OBI1: variants seen among roughly 807,000 people sequenced by gnomAD.
The protein encoded by OBI1 is ORC ubiquitin ligase 1, also known as ring finger protein 219.
In OBI1, 59 loss-of-function variants were observed where a neutral mutation model predicts 62.4. The observed-to-expected ratio is 0.95, with a 90% CI of 0.77 to 1.17. The LOEUF (loss-of-function observed/expected upper bound fraction) is 1.17. Among genes scored for constraint, OBI1 ranks in the 50% most tolerant of loss-of-function variants. The pLI, the probability that OBI1 is intolerant of heterozygous loss-of-function variation, is 0.00. For missense variants in OBI1, 875 were observed against 830.9 expected (o/e 1.05, Z -0.65); for synonymous variants, 302 against 292.8 (o/e 1.03, Z -0.32).
chr13:78,658,968 C>G (rs1876796511), intron 1 of OBI1, 81 bp downstream of exon 1: 3 of 1,310,560 alleles, frequency 2.3e-6, no homozygotes, highest in Non-Finnish European at 3.3e-6. Flanking sequence ...CCCTTCCCCG[C>G]CCCCGCACGA....
chr13:78,616,615 T>G lies in OBI1; in HGVS notation c.1146A>C (p.Glu382Asp), dbSNP rs1875300109. 1 of 1,614,004 alleles carries G rather than the reference T, an allele frequency of 6.2e-7. No individual in the cohort carries two copies. Among genetic ancestry groups the G allele is most frequent in the South Asian group, 1.1e-5 (1 of 91,074 alleles). Residue 382 changes from glutamate (E) to aspartate (D), a missense_variant, in exon 6 of 6, where the codon GAA (glutamate) becomes GAC (aspartate). Physicochemically the swap from Glu to Asp is conservative, Grantham distance 45. Coordinates refer to ENST00000282003, the MANE Select transcript of OBI1 (RefSeq NM_024546.4). ...TACAAGGAGCTGGAAGATCATAAAG[T>G]TCTTCATCTTTGTAGGGTACACAGT... is the stretch of plus-strand genomic sequence containing the variant. ...PSDCVPYKDE[E>D]LYDLPAPCTP...
intron 4 of OBI1, among the ~76,000 whole-genome samples, chr13:78,636,453 G>A (rs1018159638): frequency 6.6e-6 from 1 of 152,158 alleles, no homozygotes; most frequent in Non-Finnish European, 1.5e-5. Flanking sequence ...CCTTTAAAAC[G>A]TATTTCAAAA....
At chr13:78,648,844 C>T (rs749360595) in intron 1 of OBI1, among the ~76,000 whole-genome samples, 4 of 149,672 alleles carry the variant, frequency 2.7e-5, no homozygotes, top group Non-Finnish European at 4.4e-5. Context: ...ACCCGGGAGG[C>T]AGAGGTTGCG....
intron 1 of OBI1, among the ~76,000 whole-genome samples, chr13:78,647,429 A>G (rs1014598150): frequency 5.3e-5 from 8 of 152,234 alleles, no homozygotes; most frequent in East Asian, 1.9e-4. Flanking sequence ...CTTTACCCCA[A>G]TGAGATGTTT....
chr13:78,628,264 G>A (rs766593268), intron 5 of OBI1, among the ~76,000 whole-genome samples: 3 of 152,174 alleles, frequency 2.0e-5, no homozygotes, highest in Non-Finnish European at 2.9e-5. Flanking sequence ...CTAAATCACA[G>A]AGCTAGTAAG....
intron 1 of OBI1, among the ~76,000 whole-genome samples, chr13:78,653,683 G>A (rs918997059): frequency 3.9e-5 from 6 of 152,132 alleles, no homozygotes; most frequent in Non-Finnish European, 2.9e-5. Context: ...GAGTGAAGAC[G>A]GTATTGATGA....
chr13:78,615,482 T>C lies in OBI1; in HGVS notation c.*98A>G. ...TTGATACTTGACTAAAGATTATCAA[T>C]TCCAATTTGTATAGAACTTTTATGA... On this transcript the variant is annotated 3_prime_UTR_variant, in exon 6 of 6. Transcript: ENST00000282003. 1 of 850,410 alleles carries C rather than the reference T, an allele frequency of 1.2e-6. No individual in the cohort carries two copies. Among genetic ancestry groups the C allele is most frequent in the South Asian group, 1.8e-5 (1 of 56,674 alleles). The allele number at this position is 850,410 out of a possible 1,614,324, so 52.7% of individuals were successfully genotyped here.
chr13:78,618,243 C>T (rs1875384261), intron 5 of OBI1, among the ~76,000 whole-genome samples: 1 of 151,948 alleles, frequency 6.6e-6, no homozygotes, highest in African/African-American at 2.4e-5. Flanking sequence ...TATATATTGG[C>T]CCATTTCTAA....
rs570598838 is a variant in OBI1, at chr13:78,615,509, G to A, written c.*71C>T. On this transcript the variant is annotated 3_prime_UTR_variant, in exon 6 of 6. Coordinates refer to ENST00000282003, the MANE Select transcript of OBI1 (RefSeq NM_024546.4). Reference sequence around the variant, plus strand: ...CCAATTTGTATAGAACTTTTATGAGGAAAAAAGGTAACTTTAACAACTTTT... The same window carrying A: ...CCAATTTGTATAGAACTTTTATGAGAAAAAAAGGTAACTTTAACAACTTTT... 5.1e-6 allele frequency: 6 copies of A among 1,165,562 alleles called. No homozygotes were observed. The East Asian group carries it at 1.2e-4, about 23-fold the overall frequency. The allele number at this position is 1,165,562 out of a possible 1,614,324, so 72.2% of individuals were successfully genotyped here.
At chr13:78,641,157 C>A (rs913747879) in intron 3 of OBI1, among the ~76,000 whole-genome samples, 1 of 152,086 alleles carries the variant, frequency 6.6e-6, no homozygotes, top group Admixed American at 6.5e-5. Flanking sequence ...CAAGTGATCT[C>A]CCAAAGGATT....
At chr13:78,620,572 G>C (rs756438341) in intron 5 of OBI1, 6 of 455,150 alleles carry the variant, frequency 1.3e-5, no homozygotes, top group South Asian at 7.8e-5. Context: ...GAAGCTTAAA[G>C]GATTTTTCAG....
intron 5 of OBI1, among the ~76,000 whole-genome samples, chr13:78,622,709 CCT>C (rs1875549948): frequency 6.6e-6 from 1 of 152,154 alleles, no homozygotes; most frequent in South Asian, 2.1e-4. Flanking sequence ...TTTCCTAACT[CCT>C]CTTTTTGATT....
In OBI1 at chr13:78,617,007, A is replaced by G. The variant is rs747068718; in HGVS notation, c.754T>C (p.Ser252Pro). 1 of 1,614,056 alleles carries G rather than the reference A, an allele frequency of 6.2e-7. No individual in the cohort carries two copies. Among genetic ancestry groups the G allele is most frequent in the Admixed American group, 1.7e-5 (1 of 60,014 alleles). The change falls in exon 6 of 6, where the codon TCT becomes CCT. Residue 252 changes from serine (S) to proline (P), a missense_variant. Physicochemically the swap from Ser to Pro is moderately conservative, Grantham distance 74. Coordinates refer to ENST00000282003, the MANE Select transcript of OBI1 (RefSeq NM_024546.4). ...RSDKYIEELE[S>P]QVAQLKNSSE... is the part of the protein sequence containing the mutation. The stretch of plus-strand genomic sequence containing the variant: ...GAATTTTTTAGCTGTGCAACTTGAG[A>G]TTCTAGTTCCTCTATATACTTATCA...
At chr13:78,618,350 T>C (rs1374751423) in intron 5 of OBI1, among the ~76,000 whole-genome samples, 1 of 151,882 alleles carries the variant, frequency 6.6e-6, no homozygotes, top group Non-Finnish European at 1.5e-5. Flanking sequence ...TTTTTTCCCC[T>C]AATTTGAAAA....
At chr13:78,619,862 G>C in intron 5 of OBI1, among the ~76,000 whole-genome samples, 1 of 152,176 alleles carries the variant, frequency 6.6e-6, no homozygotes, top group South Asian at 2.1e-4. Context: ...CATTGAGACA[G>C]GGTTGACACC....
chr13:78,643,896 A>G (rs575934086), intron 2 of OBI1, among the ~76,000 whole-genome samples: 5 of 152,336 alleles, frequency 3.3e-5, no homozygotes, highest in African/African-American at 1.2e-4. Context: ...TTGTAGATTC[A>G]CTTTCAATTT....
chr13:78,635,284 T>C, intron 4 of OBI1, 86 bp from the exon 5 acceptor site: 1 of 780,966 alleles, frequency 1.3e-6, no homozygotes, highest in Non-Finnish European at 2.2e-6. Context: ...CCGTATTTTT[T>C]AGAGTGATAA....
intron 1 of OBI1, among the ~76,000 whole-genome samples, chr13:78,649,817 G>C (rs996691902): frequency 6.6e-6 from 1 of 152,148 alleles, no homozygotes; most frequent in Non-Finnish European, 1.5e-5. Flanking sequence ...TAGGGGGTGT[G>C]TGAACAAACA....
rs894222241 is a variant in OBI1 at position 78,653,113 on chromosome 13, A to G, written c.72+5936T>C. On this transcript the variant is annotated intron_variant, in intron 1 of 5. Coordinates refer to ENST00000282003, the MANE Select transcript of OBI1 (RefSeq NM_024546.4). Reference sequence around the variant, plus strand: ...AGAGACATGCCTAAGGCTGTTGTTCATTAATATCCATATCATCCTAGACTT... The same window carrying G: ...AGAGACATGCCTAAGGCTGTTGTTCGTTAATATCCATATCATCCTAGACTT... Among the ~76,000 whole-genome samples, 3 of 152,212 alleles carry G rather than the reference A, an allele frequency of 2.0e-5. No homozygotes were observed. In the East Asian group the frequency reaches 5.8e-4, roughly 29 times the overall value.
Sources: gnomAD v4.1 joint callset for allele counts (sites outside exome capture counted in the v4.1 genomes callset) on GRCh38, gnomAD v4.1.1 for gene constraint, MANE v1.5 for transcripts, NCBI Gene and HGNC (gene_info 2026-07-23, HGNC 2026-07-21) for gene names.